Variants in ABR observed in about 807,000 individuals in gnomAD.
ABR encodes the protein ABR activator of RhoGEF and GTPase.
ABR carries 35 observed loss-of-function variants against 107.2 expected under a neutral mutation model. That is an observed-to-expected ratio of 0.33 (90% CI 0.25 to 0.43). The LOEUF is 0.43. Among genes scored for constraint, ABR ranks in the 20% least tolerant of loss-of-function variants. ABR has a pLI of 1.00. For missense variants in ABR, 815 were observed against 1,115.2 expected (o/e 0.73, Z 3.83); for synonymous variants, 498 against 462.0 (o/e 1.08, Z -1.00).
rs112136091 is a variant in ABR at position 1,012,037 on chromosome 17, C to T, written c.1962-52G>A. ...AGGGCAGCCCCCACGACAGCTCTCC[C>T]GTAGCAACCCCCACCCAGCACACAC... On this transcript the variant is annotated intron_variant, in intron 18 of 22. Transcript: ENST00000302538. 1,707 of 1,606,288 alleles carry T rather than the reference C, an allele frequency of 1.1e-3. 4 individuals carry two copies. Among genetic ancestry groups the T allele is most frequent in the Middle Eastern group, 1.7e-3 (10 of 6,044 alleles).
At chr17:1,226,151 G>A (rs1408720580) in intron 1 of ABR, among the ~76,000 whole-genome samples, 1 of 152,192 alleles carries the variant, frequency 6.6e-6, no homozygotes, top group African/African-American at 2.4e-5. Context: ...CATCCACGGT[G>A]GTAATTTGGG....
At chr17:1,173,310 C>A (rs1373329754) in intron 1 of ABR, among the ~76,000 whole-genome samples, 208 of 44,956 alleles carry the variant, frequency 4.6e-3, no homozygotes, top group Middle Eastern at 0.012. Flanking sequence ...CAGTCCACCC[C>A]CCCCATCACC....
chr17:1,165,639 C>A (rs2041473756), intron 1 of ABR, among the ~76,000 whole-genome samples: 1 of 152,230 alleles, frequency 6.6e-6, no homozygotes, highest in African/African-American at 2.4e-5. Context: ...TCAAGTGATT[C>A]TCCTGCCTCA....
Position 1,086,790 on chromosome 17 carries a change from C to A in ABR, c.532-3163G>T, listed in dbSNP as rs528509790. On this transcript the variant is annotated intron_variant, in intron 4 of 22. Transcript: ENST00000302538. ...TGCTGGGATTACGGGCGTGAGCCAC[C>A]ACGCCTGGCTTAGACACATTTTTAA... Among the ~76,000 whole-genome samples, 142 of 152,286 alleles carry A rather than the reference C, an allele frequency of 9.3e-4. 1 individual carries two copies. Among genetic ancestry groups the A allele is most frequent in the African/African-American group, 3.2e-3 (135 of 41,556 alleles).
At chr17:1,079,070 A>C in intron 6 of ABR, 1 of 672,256 alleles carries the variant, frequency 1.5e-6, no homozygotes, top group Non-Finnish European at 2.2e-6. Flanking sequence ...AGGGGTAGGG[A>C]GGGAGGGAGC....
chr17:1,174,049 G>A (rs1567859223), intron 1 of ABR, among the ~76,000 whole-genome samples: 1 of 152,176 alleles, frequency 6.6e-6, no homozygotes, highest in Non-Finnish European at 1.5e-5. Flanking sequence ...ACCTCAGACA[G>A]AGAACAAGTC....
exon 1 of ABR, among the ~76,000 whole-genome samples, chr17:1,229,259 C>T (rs1465346560): frequency 4.0e-5 from 6 of 151,748 alleles, no homozygotes; most frequent in African/African-American, 1.2e-4. Context: ...GCAGGAGCTG[C>T]CGGTGGACGG....
intron 21 of ABR, among the ~76,000 whole-genome samples, chr17:1,007,551 A>G (rs924250266): frequency 6.6e-6 from 1 of 152,146 alleles, no homozygotes; most frequent in African/African-American, 2.4e-5. Flanking sequence ...CCCTGAACTG[A>G]TGGTGAACTG....
At chr17:1,194,149 G>C (rs1255910156) in intron 1 of ABR, among the ~76,000 whole-genome samples, 5 of 151,900 alleles carry the variant, frequency 3.3e-5, no homozygotes, top group Admixed American at 2.6e-4. Flanking sequence ...AGGATCTCTG[G>C]TGGCAAGGGT....
chr17:1,163,939 C>G (rs1222067422), intron 1 of ABR, among the ~76,000 whole-genome samples: 18 of 29,650 alleles, frequency 6.1e-4, no homozygotes, highest in African/African-American at 3.0e-3. Flanking sequence ...GATGTCGGAG[C>G]ATCTAGGTGG....
chr17:1,105,289 G>A (rs1333576980), intron 2 of ABR, among the ~76,000 whole-genome samples: 2 of 152,032 alleles, frequency 1.3e-5, no homozygotes, highest in African/African-American at 4.8e-5. Flanking sequence ...TTACAGGCAT[G>A]AGCCACTGCG....
At chr17:1,007,798 AGGACCTACC>A (rs1411843869) in intron 21 of ABR, among the ~76,000 whole-genome samples, 1 of 152,266 alleles carries the variant, frequency 6.6e-6, no homozygotes, top group Non-Finnish European at 1.5e-5. Context: ...AGCTGCCTCC[AGGACCTACC>A]GCTCTGTTGC....
At chr17:1,180,181 G>T (rs1017925949), upstream of ABR, among the ~76,000 whole-genome samples, 1 of 151,948 alleles carries the variant, frequency 6.6e-6, no homozygotes, top group African/African-American at 2.4e-5. Flanking sequence ...GGTCTCGGGG[G>T]GTCTCCAGGC....
intron 1 of ABR, among the ~76,000 whole-genome samples, chr17:1,223,554 C>T (rs2043158932): frequency 6.6e-6 from 1 of 152,078 alleles, no homozygotes; most frequent in Admixed American, 6.6e-5. Context: ...TTGAAGTTCT[C>T]CAGGCCTCGT....
Position 1,028,849 on chromosome 17 carries a change from A to T in ABR, c.1792-15685T>A, listed in dbSNP as rs191485103. Reference sequence around the variant, plus strand: ...GACTTGGTTGCTCTATAAGGGCCTCAACTTCCCCGACAGACAAATGCTTCT... The same window carrying T: ...GACTTGGTTGCTCTATAAGGGCCTCTACTTCCCCGACAGACAAATGCTTCT... On this transcript the variant is annotated intron_variant, in intron 16 of 22. Coordinates refer to ENST00000302538, the MANE Select transcript of ABR (RefSeq NM_021962.5). 1.4e-4 allele frequency among the ~76,000 whole-genome samples: 21 copies of T among 152,220 alleles called. 1 individual carries two copies. The highest frequency in any genetic ancestry group is 3.1e-4 in the Non-Finnish European group (21 of 67,996).
chr17:1,229,494 T>C (rs2150779476), exon 1 of ABR, among the ~76,000 whole-genome samples: 1 of 151,922 alleles, frequency 6.6e-6, no homozygotes, highest in South Asian at 2.1e-4. Context: ...CAGCACCTGT[T>C]GCAGCCGCTC....
chr17:1,109,822 C>T (rs977557815), intron 2 of ABR, among the ~76,000 whole-genome samples: 17 of 151,974 alleles, frequency 1.1e-4, no homozygotes, highest in Admixed American at 7.9e-4. Context: ...GGTGGGCGTC[C>T]CACTCACAGG....
At chr17:1,171,811 T>G (rs1358451130) in intron 1 of ABR, among the ~76,000 whole-genome samples, 1 of 152,120 alleles carries the variant, frequency 6.6e-6, no homozygotes, top group African/African-American at 2.4e-5. Flanking sequence ...GCACCTGTAA[T>G]CCCAGCTACT....
chr17:1,146,830 ACACCACTGCCACCAGGCCACCACTGC>A (rs1218084011), intron 1 of ABR, among the ~76,000 whole-genome samples: 3 of 123,956 alleles, frequency 2.4e-5, no homozygotes, highest in African/African-American at 5.9e-5. Flanking sequence ...CTGCCACACG[ACACCACTGCCACCAGGCCACCACTGC>A]CACCACTGCC....
Sources: gnomAD v4.1 joint callset for allele counts (sites outside exome capture counted in the v4.1 genomes callset) on GRCh38, gnomAD v4.1.1 for gene constraint, MANE v1.5 for transcripts, NCBI Gene and HGNC (gene_info 2026-07-23, HGNC 2026-07-21) for gene names.